MTSS1: variants seen among roughly 807,000 people sequenced by gnomAD.
The protein encoded by MTSS1 is protein MTSS 1.
In MTSS1, 18 loss-of-function variants were observed where a neutral mutation model predicts 79.0. That is an observed-to-expected ratio of 0.23 (90% CI 0.16 to 0.34). MTSS1 has a LOEUF of 0.34. Among genes scored for constraint, MTSS1 ranks in the 10% least tolerant of loss-of-function variants. The pLI, the probability that MTSS1 is intolerant of heterozygous loss-of-function variation, is 1.00. For missense variants in MTSS1, 815 were observed against 986.2 expected, an observed-to-expected ratio of 0.83 and a Z score of 2.33; for synonymous variants, 341 against 368.6, an observed-to-expected ratio of 0.93 and a Z score of 0.86.
chr8:124,704,223 A>G, intron 1 of MTSS1, 32 bp from the exon 2 acceptor site: 1 of 1,573,200 alleles, frequency 6.4e-7, no homozygotes, highest in South Asian at 1.1e-5. Flanking sequence ...AGTAAGTCAC[A>G]CTGCGATAGA....
At chr8:124,711,677 A>G (rs62528764) in intron 1 of MTSS1, among the ~76,000 whole-genome samples, 11,121 of 152,158 alleles carry the variant, frequency 0.073, 545 homozygotes, top group Non-Finnish European at 0.1. Flanking sequence ...TTGTAATACC[A>G]CCCTGGAAAT....
chr8:124,695,685 C>G (rs1232607343), intron 3 of MTSS1, among the ~76,000 whole-genome samples: 1 of 152,122 alleles, frequency 6.6e-6, no homozygotes, highest in African/African-American at 2.4e-5. Context: ...GTGCTACATT[C>G]AGAAATTCCA....
intron 3 of MTSS1, among the ~76,000 whole-genome samples, chr8:124,600,741 G>T (rs925599940): frequency 8.5e-5 from 13 of 152,222 alleles, no homozygotes; most frequent in Admixed American, 8.5e-4. Context: ...TCAGTACTTA[G>T]AGGGCAAATG....
At chr8:124,704,035 G>T in intron 2 of MTSS1, 95 bp downstream of exon 2, 3 of 1,129,100 alleles carry the variant, frequency 2.7e-6, no homozygotes, top group Non-Finnish European at 4.0e-6. Context: ...AGCACTTCCT[G>T]AATCAACCCT....
intron 1 of MTSS1, among the ~76,000 whole-genome samples, chr8:124,711,773 G>A (rs1831201284): frequency 6.6e-6 from 1 of 152,138 alleles, no homozygotes; most frequent in Non-Finnish European, 1.5e-5. Flanking sequence ...TTGGAAGGCT[G>A]AGGCAGATGG....
chr8:124,621,568 G>C (rs575690252), intron 3 of MTSS1, among the ~76,000 whole-genome samples: 1 of 151,830 alleles, frequency 6.6e-6, no homozygotes, highest in Non-Finnish European at 1.5e-5. Context: ...TTTTTGAGAC[G>C]GCGTCTCGCC....
chr8:124,631,244 G>A (rs1815877732), intron 3 of MTSS1, among the ~76,000 whole-genome samples: 1 of 152,132 alleles, frequency 6.6e-6, no homozygotes, highest in Non-Finnish European at 1.5e-5. Flanking sequence ...CCACAGCTGG[G>A]TGCTCCCGAG....
chr8:124,691,736 G>A (rs545523775), intron 3 of MTSS1, among the ~76,000 whole-genome samples: 16 of 151,978 alleles, frequency 1.1e-4, no homozygotes, highest in Middle Eastern at 3.4e-3. Flanking sequence ...GGCTGGTCTC[G>A]AACTGCTGAC....
intron 1 of MTSS1, among the ~76,000 whole-genome samples, chr8:124,719,456 A>G (rs1832596919): frequency 6.6e-6 from 1 of 152,090 alleles, no homozygotes; most frequent in Non-Finnish European, 1.5e-5. Context: ...GAGCCCCCAC[A>G]CAATCTTGGG....
intron 3 of MTSS1, among the ~76,000 whole-genome samples, chr8:124,697,658 T>A (rs925975135): frequency 2.0e-5 from 3 of 152,132 alleles, no homozygotes; most frequent in African/African-American, 7.2e-5. Flanking sequence ...TTCCAGATAC[T>A]GCTGAAGTAG....
chr8:124,722,197 G>A (rs985902508), intron 1 of MTSS1, among the ~76,000 whole-genome samples: 1 of 151,912 alleles, frequency 6.6e-6, no homozygotes, highest in African/African-American at 2.4e-5. Flanking sequence ...GGCCAGATAC[G>A]CCAAGAGGCA....
rs562575017 is a variant in MTSS1, at chr8:124,619,855, C to T, written c.209-28620G>A. On this transcript the variant is annotated intron_variant, in intron 3 of 13. Transcript: ENST00000518547. ...TGACGCTCTGTCGTCCTGGCAGATGCGGTTCCCTTTAGGGCCATCAGCGGC... is the reference window on the plus strand; with the variant it reads ...TGACGCTCTGTCGTCCTGGCAGATGTGGTTCCCTTTAGGGCCATCAGCGGC... Among the ~76,000 whole-genome samples, 44 of 152,320 alleles carry T rather than the reference C, an allele frequency of 2.9e-4. 1 individual carries two copies. Among genetic ancestry groups the T allele is most frequent in the Non-Finnish European group, 5.1e-4 (35 of 68,036 alleles).
chr8:124,589,761 G>C, intron 4 of MTSS1, 50 bp from the exon 5 acceptor site: 1 of 1,283,230 alleles, frequency 7.8e-7, no homozygotes, highest in Non-Finnish European at 1.1e-6. Context: ...GATACATTCT[G>C]TTGTCAGGAT....
intron 3 of MTSS1, among the ~76,000 whole-genome samples, chr8:124,634,276 GT>G (rs370401979): frequency 6.8e-6 from 1 of 147,616 alleles, no homozygotes; most frequent in African/African-American, 2.6e-5. Context: ...TACCTGGCTA[GT>G]TTTTTTTTGT....
intron 3 of MTSS1, among the ~76,000 whole-genome samples, chr8:124,694,562 T>C (rs1017159524): frequency 6.6e-6 from 1 of 152,190 alleles, no homozygotes; most frequent in African/African-American, 2.4e-5. Flanking sequence ...ATGTGTACCA[T>C]GGGCTGGGCT....
chr8:124,645,586 A>G (rs1425025074), intron 3 of MTSS1, among the ~76,000 whole-genome samples: 1 of 152,056 alleles, frequency 6.6e-6, no homozygotes, highest in African/African-American at 2.4e-5. Flanking sequence ...GGGGTATCAC[A>G]AGCTTAAAGC....
At chr8:124,684,683 G>A (rs1826671474) in intron 3 of MTSS1, among the ~76,000 whole-genome samples, 1 of 152,136 alleles carries the variant, frequency 6.6e-6, no homozygotes, top group Non-Finnish European at 1.5e-5. Flanking sequence ...GGCCCCAAAT[G>A]TCAACTAAAG....
intron 3 of MTSS1, among the ~76,000 whole-genome samples, chr8:124,657,385 TA>T (rs1399148806): frequency 6.7e-6 from 1 of 149,386 alleles, no homozygotes; most frequent in African/African-American, 2.5e-5. Flanking sequence ...AAACTTCCCA[TA>T]ATAAAGTGTT....
intron 3 of MTSS1, among the ~76,000 whole-genome samples, chr8:124,596,609 C>T (rs914587485): frequency 5.9e-5 from 9 of 152,188 alleles, no homozygotes; most frequent in African/African-American, 2.2e-4. Flanking sequence ...TTTGTATTGG[C>T]TTTTGGGGGC....
Sources: allele counts gnomAD v4.1 joint callset (sites outside exome capture counted in the v4.1 genomes callset), GRCh38; gene constraint gnomAD v4.1.1; transcripts MANE v1.5; gene names NCBI Gene and HGNC (gene_info 2026-07-23, HGNC 2026-07-21).